Variants in STARD13 observed in about 807,000 individuals in gnomAD.
STARD13 encodes stAR-related lipid transfer protein 13.
In STARD13, 62 loss-of-function variants were observed where a neutral mutation model predicts 106.4. The observed-to-expected ratio is 0.58, with a 90% confidence interval of 0.48 to 0.72. STARD13 has a LOEUF of 0.72. STARD13 is among the 30% of genes least tolerant of loss of function. The pLI, the probability that STARD13 is intolerant of heterozygous loss-of-function variation, is 0.00. For synonymous variants in STARD13, 565 were observed against 553.0 expected (o/e 1.02, Z -0.31); for missense variants, 1,387 against 1,424.0 (o/e 0.97, Z 0.42).
At chr13:33,513,988 A>G in the STARD13 span, among the ~76,000 whole-genome samples, 3 of 152,212 alleles carry the variant, frequency 2.0e-5, no homozygotes, top group Non-Finnish European at 4.4e-5. Flanking sequence ...CTCTAATAAA[A>G]TATATCTAGA....
At chr13:33,350,802 C>G (rs1413304888), upstream of STARD13, 4 of 286,942 alleles carry the variant, frequency 1.4e-5, no homozygotes, top group Non-Finnish European at 2.1e-5. Context: ...CCCAACCTGA[C>G]AGCCTGGTCC....
intron 1 of STARD13, among the ~76,000 whole-genome samples, chr13:33,328,616 A>G (rs1594268818): frequency 6.6e-6 from 1 of 152,344 alleles, no homozygotes; most frequent in East Asian, 1.9e-4. Flanking sequence ...GATACATGGA[A>G]GTTTTTCTCT....
chr13:33,460,873 T>G, the STARD13 span, among the ~76,000 whole-genome samples: 1 of 152,250 alleles, frequency 6.6e-6, no homozygotes, highest in African/African-American at 2.4e-5. Flanking sequence ...TAAATGTGTG[T>G]GCTATTCATA....
chr13:33,147,972 G>T (rs1028161176), intron 3 of STARD13, among the ~76,000 whole-genome samples: 7 of 152,170 alleles, frequency 4.6e-5, no homozygotes, highest in Non-Finnish European at 1.0e-4. Flanking sequence ...ATGGATAAAA[G>T]GTAGTCTTTC....
At chr13:33,204,526 C>T (rs1479364627) in intron 1 of STARD13, among the ~76,000 whole-genome samples, 2 of 152,154 alleles carry the variant, frequency 1.3e-5, no homozygotes, top group Non-Finnish European at 2.9e-5. Context: ...TTATGAGACG[C>T]GTGGAAAGAA....
the STARD13 span, among the ~76,000 whole-genome samples, chr13:33,516,942 G>GA: frequency 0.028 from 3,273 of 115,504 alleles, 77 homozygotes; most frequent in Admixed American, 0.092. Context: ...CCTTGTCTCA[G>GA]AAAAAAAAAA....
At chr13:33,128,319 G>A (rs1339478167) in intron 5 of STARD13, among the ~76,000 whole-genome samples, 3 of 152,132 alleles carry the variant, frequency 2.0e-5, no homozygotes, top group South Asian at 2.1e-4. Flanking sequence ...GATGGAGCCC[G>A]AAGATGAGAG....
chr13:33,489,390 A>C, the STARD13 span, among the ~76,000 whole-genome samples: 1 of 152,210 alleles, frequency 6.6e-6, no homozygotes, highest in Non-Finnish European at 1.5e-5. Context: ...CCAAGTTAAA[A>C]ATTAATTTAG....
the STARD13 span, among the ~76,000 whole-genome samples, chr13:33,545,879 C>T: frequency 2.0e-5 from 3 of 152,206 alleles, no homozygotes; most frequent in Non-Finnish European, 2.9e-5. Flanking sequence ...CTTGTACAGC[C>T]TACAGAACTG....
At chr13:33,252,450 G>A (rs1890135399) in intron 1 of STARD13, among the ~76,000 whole-genome samples, 1 of 152,144 alleles carries the variant, frequency 6.6e-6, no homozygotes, top group Non-Finnish European at 1.5e-5. Flanking sequence ...TTCACTCTAT[G>A]GGCCATATTC....
chr13:33,119,152 A>T (rs1593876686), intron 7 of STARD13, among the ~76,000 whole-genome samples: 1 of 152,192 alleles, frequency 6.6e-6, no homozygotes, highest in African/African-American at 2.4e-5. Context: ...TAGGCCCTCT[A>T]GAGGAACTTT....
chr13:33,587,960 C>A, the STARD13 span, among the ~76,000 whole-genome samples: 1 of 152,034 alleles, frequency 6.6e-6, no homozygotes, highest in African/African-American at 2.4e-5. Flanking sequence ...TCAACGTCTC[C>A]TTTTTTACCT....
chr13:33,651,225 A>G, the STARD13 span, among the ~76,000 whole-genome samples: 2 of 152,246 alleles, frequency 1.3e-5, no homozygotes, highest in East Asian at 3.8e-4. Flanking sequence ...CATGATTTTT[A>G]AAAATTAACT....
chr13:33,244,926 A>C (rs1282000755), intron 1 of STARD13, among the ~76,000 whole-genome samples: 1 of 152,244 alleles, frequency 6.6e-6, no homozygotes, highest in Non-Finnish European at 1.5e-5. Flanking sequence ...GTCATGTAGC[A>C]ATAGGTAACT....
Position 33,129,925 on chromosome 13 carries a change from G to A in STARD13, c.752C>T (p.Pro251Leu), listed in dbSNP as rs755836762. 16 of 1,613,540 alleles carry A rather than the reference G, an allele frequency of 9.9e-6. No individual in the cohort carries two copies. In the South Asian group the frequency reaches 1.5e-4, roughly 16 times the overall value. Residue 251 changes from proline (P) to leucine (L), a missense_variant, in exon 5 of 14, where the codon CCC becomes CTC. Transcript: ENST00000336934. ...NHPFHPKNEK[P>L]TRARAKSFLK... ...AAATGATTTGGCCCTAGCCCTCGTG[G>A]GCTTCTCATTCTTGGGGTGGAAGGG...
chr13:33,413,483 T>G, the STARD13 span, among the ~76,000 whole-genome samples: 1 of 152,238 alleles, frequency 6.6e-6, no homozygotes, highest in South Asian at 2.1e-4. Flanking sequence ...GTTGGTTCTT[T>G]AAAATTGACA....
At chr13:33,295,888 C>T (rs1441432127) in intron 1 of STARD13, among the ~76,000 whole-genome samples, 1 of 151,966 alleles carries the variant, frequency 6.6e-6, no homozygotes, top group Non-Finnish European at 1.5e-5. Flanking sequence ...GATACCCCTC[C>T]TTCAATTAAT....
intron 1 of STARD13, among the ~76,000 whole-genome samples, chr13:33,249,818 C>G (rs576016997): frequency 1.3e-5 from 2 of 152,230 alleles, no homozygotes; most frequent in South Asian, 4.2e-4. Context: ...GAGACAGGGT[C>G]TTACTGTGTC....
At position 33,217,112 on chromosome 13, in the gene STARD13, C is replaced by T. The variant is rs755107131; in HGVS notation, c.170-49490G>A. Among the ~76,000 whole-genome samples, 4 of 152,156 alleles carry T rather than the reference C, an allele frequency of 2.6e-5. 1 individual carries two copies. In the South Asian group the frequency reaches 6.2e-4, roughly 24 times the overall value. The stretch of plus-strand genomic sequence containing the variant: ...AGTCCCCCCAATAAACCCTATGTCT[C>T]GTTGGCTGGCTTCAGGTCTCTTCTT... On this transcript the variant is annotated intron_variant, in intron 1 of 13. Coordinates refer to ENST00000336934, the MANE Select transcript of STARD13 (RefSeq NM_178006.4).
Sources: gnomAD v4.1 joint callset for allele counts (sites outside exome capture counted in the v4.1 genomes callset) on GRCh38, gnomAD v4.1.1 for gene constraint, MANE v1.5 for transcripts, NCBI Gene and HGNC (gene_info 2026-07-23, HGNC 2026-07-21) for gene names.